PARP4: variants seen among roughly 807,000 people sequenced by gnomAD.
PARP4 encodes protein mono-ADP-ribosyltransferase PARP4.
Under a neutral mutation model 187.7 loss-of-function variants are expected in PARP4, and 120 were observed. That is an observed-to-expected ratio of 0.64 (90% CI 0.55 to 0.74). The LOEUF (loss-of-function observed/expected upper bound fraction) is 0.74. PARP4 is among the 30% of genes least tolerant of loss of function. The pLI, the probability that PARP4 is intolerant of heterozygous loss-of-function variation, is 0.00. For synonymous variants in PARP4, 654 were observed against 740.9 expected, an observed-to-expected ratio of 0.88 and a Z score of 1.90; for missense variants, 1,836 against 2,070.5, an observed-to-expected ratio of 0.89 and a Z score of 2.20.
chr13:24,512,011 A>G (rs1870041049), intron 1 of PARP4, among the ~76,000 whole-genome samples: 1 of 152,234 alleles, frequency 6.6e-6, no homozygotes, highest in African/African-American at 2.4e-5. Flanking sequence ...CAACACGCAC[A>G]TCTCAGAGCG....
Position 24,501,625 on chromosome 13 carries a change from A to T in PARP4, c.334+8T>A. On this transcript the variant is annotated splice_region_variant and intron_variant, in intron 3 of 33. Transcript: ENST00000381989. ...TGATACGTTAAATGCTTGCTATGAAATACCTACCAGAACTGCTCGCCTTCT... is the reference window on the plus strand; with the variant it reads ...TGATACGTTAAATGCTTGCTATGAATTACCTACCAGAACTGCTCGCCTTCT... 1 of 1,599,400 alleles carries T rather than the reference A, an allele frequency of 6.3e-7. No individual in the cohort carries two copies. Among genetic ancestry groups the T allele is most frequent in the Non-Finnish European group, 8.6e-7 (1 of 1,166,890 alleles).
At chr13:24,448,034 GTC>G (rs1871299712) in intron 25 of PARP4, among the ~76,000 whole-genome samples, 1 of 152,104 alleles carries the variant, frequency 6.6e-6, no homozygotes, top group Admixed American at 6.6e-5. Flanking sequence ...GCGAAACACT[GTC>G]TCTACAGAAA....
chr13:24,480,671 G>A (rs1873228057), intron 12 of PARP4, among the ~76,000 whole-genome samples: 2 of 152,230 alleles, frequency 1.3e-5, no homozygotes, highest in Admixed American at 6.5e-5. Context: ...ATTCTCTTAA[G>A]CCAAAGCCTA....
At chr13:24,484,481 G>T (rs1873447579) in intron 12 of PARP4, among the ~76,000 whole-genome samples, 172 bp downstream of exon 12, 1 of 152,130 alleles carries the variant, frequency 6.6e-6, no homozygotes, top group African/African-American at 2.4e-5. Context: ...CATAAGGGCA[G>T]ATTTAAACAT....
At chr13:24,454,716 T>A (rs774563614) in intron 22 of PARP4, among the ~76,000 whole-genome samples, 1 of 152,164 alleles carries the variant, frequency 6.6e-6, no homozygotes, top group Non-Finnish European at 1.5e-5. Context: ...TTTACATACA[T>A]TAGCTCAATC....
intron 23 of PARP4, 147 bp from the exon 24 acceptor site, chr13:24,452,740 T>C (rs769134857): frequency 8.2e-6 from 5 of 608,682 alleles, no homozygotes; most frequent in Admixed American, 6.3e-5. Context: ...ACTAAACTTA[T>C]GTCCTTTTAG....
chr13:24,492,247 T>C (rs1032638234), intron 9 of PARP4, among the ~76,000 whole-genome samples, 174 bp downstream of exon 9: 18 of 151,628 alleles, frequency 1.2e-4, no homozygotes, highest in African/African-American at 1.7e-4. Context: ...TTTGAAAATA[T>C]GGTTTAACTT....
chr13:24,448,822 T>C (rs531442496), intron 25 of PARP4, among the ~76,000 whole-genome samples: 54 of 152,320 alleles, frequency 3.5e-4, no homozygotes, highest in African/African-American at 1.2e-3. Context: ...TGCTTCAACA[T>C]AGATGGACAT....
At chr13:24,473,432 C>T (rs1300654571) in intron 15 of PARP4, among the ~76,000 whole-genome samples, 1 of 152,038 alleles carries the variant, frequency 6.6e-6, no homozygotes. Flanking sequence ...GGAGATATTT[C>T]GATAAACGTA....
At chr13:24,498,823 G>C (rs1566020166) in intron 5 of PARP4, among the ~76,000 whole-genome samples, 1 of 152,130 alleles carries the variant, frequency 6.6e-6, no homozygotes, top group Admixed American at 6.5e-5. Context: ...TAAATACTTA[G>C]TGTCAAACCT....
At chr13:24,441,463 C>T (rs4769357) in intron 30 of PARP4, among the ~76,000 whole-genome samples, 22,589 of 146,016 alleles carry the variant, frequency 0.15, 848 homozygotes, top group East Asian at 0.3. Context: ...ATAAGGGCCA[C>T]GGTATAAAGC....
intron 1 of PARP4, among the ~76,000 whole-genome samples, chr13:24,505,157 G>A (rs965000744): frequency 6.8e-6 from 1 of 147,256 alleles, no homozygotes; most frequent in Admixed American, 6.7e-5. Context: ...CACACACACA[G>A]AGGAGAAAGA....
intron 7 of PARP4, 104 bp downstream of exon 7, chr13:24,494,469 A>T: frequency 9.8e-7 from 1 of 1,018,472 alleles, no homozygotes; most frequent in South Asian, 1.5e-5. Flanking sequence ...GCTGGGATAC[A>T]GGCATGAGCC....
At chr13:24,478,013 A>G (rs909158473) in intron 13 of PARP4, 80 bp downstream of exon 13, 1 of 1,160,044 alleles carries the variant, frequency 8.6e-7, no homozygotes, top group African/African-American at 1.6e-5. Flanking sequence ...AAGCATATTT[A>G]ATGAAAATAG....
At chr13:24,479,472 T>C (rs963574685) in intron 12 of PARP4, among the ~76,000 whole-genome samples, 19 of 152,190 alleles carry the variant, frequency 1.2e-4, no homozygotes, top group African/African-American at 4.6e-4. Context: ...AGAACCTTTA[T>C]GTCTAGCTCA....
chr13:24,502,893 A>T (rs1019833840), intron 2 of PARP4, among the ~76,000 whole-genome samples: 5 of 152,224 alleles, frequency 3.3e-5, no homozygotes, highest in Non-Finnish European at 5.9e-5. Flanking sequence ...TTCACAGAAC[A>T]GATGAGGCTC....
In PARP4 at chr13:24,501,732, T is replaced by G; in HGVS notation, c.235A>C (p.Lys79Gln). The G allele has an allele frequency of 6.2e-7, 1 of 1,612,126 alleles. No individual in the cohort carries two copies. Among genetic ancestry groups the G allele is most frequent in the Non-Finnish European group, 8.5e-7 (1 of 1,178,172 alleles). ...AAGAGTCTCTTTTCCCTGATAGATT[T>G]CCATATAAAATCTGGGTTTGCAATA... ...VHIANPDFIW[K>Q]SIREKRLLDV... The change falls in exon 3 of 34, where the codon AAA becomes CAA. Residue 79 changes from lysine to glutamine, a missense_variant. This residue lies in a region of PARP4 where 1,147 missense variants were observed against 1,214.2 expected (regional missense o/e 0.94). Transcript: ENST00000381989.
Position 24,477,697 on chromosome 13 carries a change from C to A in PARP4, c.1789+4G>T. The A allele has an allele frequency of 6.6e-7, 1 of 1,525,822 alleles. No individual in the cohort carries two copies. The highest frequency in any genetic ancestry group is 1.2e-5 in the South Asian group (1 of 82,648). The allele number at this position is 1,525,822 out of a possible 1,614,324, so 94.5% of individuals were successfully genotyped here. A position where few individuals can be genotyped will look rare whatever the true frequency, so the allele number is the denominator to read the frequency against. On this transcript the variant is annotated splice_donor_region_variant and intron_variant, in intron 14 of 33. Transcript: ENST00000381989. The stretch of plus-strand genomic sequence containing the variant: ...TAAAACAGCATTCAAGAAAATTGTC[C>A]TACCTTCAACCTTTGAAAAATTTGA...
chr13:24,431,445 C>T lies in PARP4; in HGVS notation c.4778G>A (p.Gly1593Glu). The change falls in exon 32 of 34, where the codon GGA (glycine) becomes GAA (glutamate). Residue 1593 changes from glycine (G) to glutamate (E), a missense_variant. Gly to Glu is a moderately conservative substitution (Grantham distance 98). This residue lies in a region of PARP4 where 450 missense variants were observed against 439.2 expected (regional missense o/e 1.02). Coordinates refer to ENST00000381989, the MANE Select transcript of PARP4 (RefSeq NM_006437.4). ...ATTTGTATTAAGATTTAATATAAGT[C>T]CCAGTTCTGGTGTAAGTTTCCAGAA... is the stretch of plus-strand genomic sequence containing the variant. ...DGFWKLTPEL[G>E]LILNLNTNGL... The T allele has an allele frequency of 6.3e-7, 1 of 1,595,706 alleles. No individual in the cohort carries two copies. Among genetic ancestry groups the T allele is most frequent in the Non-Finnish European group, 8.5e-7 (1 of 1,173,652 alleles).
Sources: gnomAD v4.1 joint callset for allele counts (sites outside exome capture counted in the v4.1 genomes callset) on GRCh38, gnomAD v4.1.1 for gene constraint, gnomAD v4.1.1 regional missense constraint, MANE v1.5 for transcripts, NCBI Gene and HGNC (gene_info 2026-07-23, HGNC 2026-07-21) for gene names.